Variants in KCNIP1 observed in about 807,000 individuals in gnomAD.
KCNIP1 encodes the protein A-type potassium channel modulatory protein KCNIP1.
A neutral mutation model predicts 33.0 loss-of-function variants in KCNIP1; 18 were observed. The observed-to-expected ratio is 0.55, with a 90% CI of 0.38 to 0.81. The LOEUF (loss-of-function observed/expected upper bound fraction) is 0.81, where lower values mean the gene tolerates loss of function less well. Ranked by LOEUF, KCNIP1 falls within the 30% of genes least tolerant of loss-of-function variation. The probability of loss-of-function intolerance (pLI) is 0.00; values close to 1 mark genes in which losing one functional copy is unlikely to be tolerated. For synonymous variants in KCNIP1, 93 were observed against 98.3 expected (o/e 0.95, Z 0.32); for missense variants, 238 against 271.6 (o/e 0.88, Z 0.87).
intron 1 of KCNIP1, among the ~76,000 whole-genome samples, chr5:170,457,755 C>T (rs1217347622): frequency 6.6e-6 from 1 of 152,160 alleles, no homozygotes; most frequent in Admixed American, 6.6e-5. Context: ...GAACCAGAAA[C>T]CCAACTCTAG....
intron 1 of KCNIP1, among the ~76,000 whole-genome samples, chr5:170,395,926 G>A (rs942530481): frequency 6.6e-6 from 1 of 152,138 alleles, no homozygotes; most frequent in Non-Finnish European, 1.5e-5. Flanking sequence ...TGTGTGAATC[G>A]GTGTCCCTAG....
intron 1 of KCNIP1, among the ~76,000 whole-genome samples, chr5:170,369,129 A>C (rs1028108414): frequency 3.3e-5 from 5 of 152,208 alleles, no homozygotes; most frequent in Admixed American, 6.5e-5. Flanking sequence ...TAAGGGCATA[A>C]ATTCTGCATG....
At chr5:170,706,166 T>C (rs1763250959) in intron 1 of KCNIP1, among the ~76,000 whole-genome samples, 1 of 152,230 alleles carries the variant, frequency 6.6e-6, no homozygotes, top group African/African-American at 2.4e-5. Context: ...GTGATTATTC[T>C]GTATCAAGCA....
chr5:170,403,205 A>C (rs1214916125), intron 1 of KCNIP1, among the ~76,000 whole-genome samples: 1 of 152,154 alleles, frequency 6.6e-6, no homozygotes, highest in Non-Finnish European at 1.5e-5. Flanking sequence ...AAGAGCCAGA[A>C]AGGGAGGGGG....
chr5:170,575,102 C>T (rs1489663664), intron 1 of KCNIP1, among the ~76,000 whole-genome samples: 1 of 152,278 alleles, frequency 6.6e-6, no homozygotes, highest in African/African-American at 2.4e-5. Flanking sequence ...ACCCACACTG[C>T]AGTCATACTG....
At chr5:170,502,772 G>A (rs1757441419), upstream of KCNIP1, among the ~76,000 whole-genome samples, 1 of 152,038 alleles carries the variant, frequency 6.6e-6, no homozygotes, top group African/African-American at 2.4e-5. Context: ...GATTGTAGGG[G>A]GCAGCTTGGG....
intron 1 of KCNIP1, among the ~76,000 whole-genome samples, chr5:170,707,994 A>G (rs1763316944): frequency 6.6e-6 from 1 of 152,178 alleles, no homozygotes; most frequent in African/African-American, 2.4e-5. Flanking sequence ...AATCTTTATC[A>G]AGGCTCAGCT....
intron 1 of KCNIP1, among the ~76,000 whole-genome samples, chr5:170,482,829 C>T (rs1757004630): frequency 6.6e-6 from 1 of 152,150 alleles, no homozygotes; most frequent in African/African-American, 2.4e-5. Flanking sequence ...CTGCCTTCCA[C>T]TGAAACAGCG....
intron 1 of KCNIP1, among the ~76,000 whole-genome samples, chr5:170,697,227 C>G (rs867864617): frequency 1.7e-4 from 26 of 152,152 alleles, no homozygotes; most frequent in African/African-American, 5.6e-4. Flanking sequence ...GCCCCCATCC[C>G]AGAGCACCAA....
chr5:170,661,239 T>TG (rs965048883), intron 1 of KCNIP1, among the ~76,000 whole-genome samples: 3 of 151,996 alleles, frequency 2.0e-5, no homozygotes, highest in African/African-American at 7.2e-5. Flanking sequence ...GTGAAGCACA[T>TG]GGGGGGGCCC....
intron 1 of KCNIP1, among the ~76,000 whole-genome samples, chr5:170,509,944 C>G (rs1754872732): frequency 6.6e-6 from 1 of 152,220 alleles, no homozygotes; most frequent in Non-Finnish European, 1.5e-5. Flanking sequence ...GGTTCGTTCA[C>G]CCTTGCCTGG....
At chr5:170,426,169 G>T (rs934802560) in intron 1 of KCNIP1, among the ~76,000 whole-genome samples, 4 of 151,954 alleles carry the variant, frequency 2.6e-5, no homozygotes, top group African/African-American at 9.7e-5. Context: ...GGTAGGGACT[G>T]GTTCTCTTAG....
intron 1 of KCNIP1, chr5:170,483,746 C>G (rs1326264689): frequency 6.6e-6 from 1 of 152,198 alleles, no homozygotes; most frequent in African/African-American, 2.4e-5. Flanking sequence ...CAAATAGGTG[C>G]AAGTAGATTC....
chr5:170,562,413 G>A (rs772411345), intron 1 of KCNIP1, among the ~76,000 whole-genome samples: 1 of 152,186 alleles, frequency 6.6e-6, no homozygotes, highest in Non-Finnish European at 1.5e-5. Context: ...TGAGGGCAAG[G>A]GCCTCATCTG....
At chr5:170,452,889 C>T (rs1423258191) in intron 1 of KCNIP1, among the ~76,000 whole-genome samples, 1 of 152,116 alleles carries the variant, frequency 6.6e-6, no homozygotes, top group Non-Finnish European at 1.5e-5. Context: ...CAGAATTCAT[C>T]GCTGGATCGT....
At chr5:170,452,879 C>A (rs1399710268) in intron 1 of KCNIP1, among the ~76,000 whole-genome samples, 6 of 152,126 alleles carry the variant, frequency 3.9e-5, no homozygotes, top group African/African-American at 7.2e-5. Flanking sequence ...CATTACCACC[C>A]AGAATTCATC....
chr5:170,457,450 T>C, intron 1 of KCNIP1, among the ~76,000 whole-genome samples: 1 of 152,172 alleles, frequency 6.6e-6, no homozygotes, highest in Non-Finnish European at 1.5e-5. Flanking sequence ...CTGCAGGACC[T>C]GGGAGACACC....
intron 1 of KCNIP1, among the ~76,000 whole-genome samples, chr5:170,553,096 C>G (rs114031066): frequency 6.6e-6 from 1 of 152,188 alleles, no homozygotes; most frequent in Non-Finnish European, 1.5e-5. Context: ...AGGGGAAAAT[C>G]GTAACCCCAG....
In KCNIP1 at chr5:170,567,011, T is replaced by C. The variant is rs146499612; in HGVS notation, c.61+62378T>C. 3.3e-5 allele frequency among the ~76,000 whole-genome samples: 5 copies of C among 152,306 alleles called. No individual in the cohort carries two copies. In the East Asian group the frequency reaches 9.7e-4, roughly 29 times the overall value. On this transcript the variant is annotated intron_variant, in intron 1 of 7. Coordinates refer to ENST00000328939, the MANE Select transcript of KCNIP1 (RefSeq NM_014592.4). ...GTAGCTTAGGGACTGGGCAGAGCTG[T>C]TACCTAGAAAAGCTAGAAACAGAAA...
Sources: gnomAD v4.1 joint callset for allele counts (sites outside exome capture counted in the v4.1 genomes callset) on GRCh38, gnomAD v4.1.1 for gene constraint, MANE v1.5 for transcripts, NCBI Gene and HGNC (gene_info 2026-07-23, HGNC 2026-07-21) for gene names.